Variants in SLC1A6 observed in about 807,000 individuals in gnomAD.
SLC1A6 encodes the protein solute carrier family 1 member 6.
A neutral mutation model predicts 42.1 loss-of-function variants in SLC1A6; 15 were observed. That is an observed-to-expected ratio of 0.36 (90% CI 0.24 to 0.55). The LOEUF is 0.55. SLC1A6 is among the 20% of genes least tolerant of loss of function. The probability of loss-of-function intolerance (pLI) is 0.88; values close to 1 mark genes in which losing one functional copy is unlikely to be tolerated. For synonymous variants in SLC1A6, 317 were observed against 319.7 expected, an observed-to-expected ratio of 0.99 and a Z score of 0.09; for missense variants, 542 against 772.5, an observed-to-expected ratio of 0.70 and a Z score of 3.54.
intron 1 of SLC1A6, among the ~76,000 whole-genome samples, chr19:14,988,738 G>A (rs9789315): frequency 0.53 from 81,090 of 151,968 alleles, 21,790 homozygotes; most frequent in South Asian, 0.68. Flanking sequence ...AATACTAGCT[G>A]GTGTGGTGGC....
upstream of SLC1A6, among the ~76,000 whole-genome samples, chr19:14,983,370 T>G (rs1291199270): frequency 6.6e-6 from 1 of 152,078 alleles, no homozygotes; most frequent in Non-Finnish European, 1.5e-5. Flanking sequence ...AAGTGCTCAG[T>G]GTGTTTCTAA....
chr19:14,984,259 A>C, upstream of SLC1A6, among the ~76,000 whole-genome samples: 1 of 152,146 alleles, frequency 6.6e-6, no homozygotes, highest in Non-Finnish European at 1.5e-5. Flanking sequence ...CAGTGAGCTG[A>C]CATCGCACCA....
At chr19:14,972,519 T>A (rs1265029634) in intron 2 of SLC1A6, among the ~76,000 whole-genome samples, 187 bp downstream of exon 2, 2 of 152,216 alleles carry the variant, frequency 1.3e-5, no homozygotes, top group Non-Finnish European at 2.9e-5. Flanking sequence ...CACAGTTGTG[T>A]TTGCACACAT....
intron 1 of SLC1A6, among the ~76,000 whole-genome samples, chr19:14,992,458 C>T (rs907366715): frequency 4.6e-5 from 7 of 151,836 alleles, no homozygotes; most frequent in African/African-American, 1.7e-4. Context: ...AGCAGGGTCA[C>T]GGCCGGGTGT....
chr19:14,984,176 G>T (rs1254912284), upstream of SLC1A6, among the ~76,000 whole-genome samples: 1 of 152,138 alleles, frequency 6.6e-6, no homozygotes, highest in Admixed American at 6.5e-5. Context: ...AGGTATGGTG[G>T]CGCTTGCCTG....
At chr19:14,953,268 T>TCCTCGCCTCACCTTGCCCCTG (rs1193228155) in intron 8 of SLC1A6, among the ~76,000 whole-genome samples, 1 of 49,692 alleles carries the variant, frequency 2.0e-5, no homozygotes, top group Non-Finnish European at 4.1e-5. Context: ...GCCCCTCCCC[T>TCCTCGCCTCACCTTGCCCCTG]CCTCGCCTCA....
chr19:14,996,401 G>A (rs1188869934), intron 1 of SLC1A6, among the ~76,000 whole-genome samples: 1 of 152,132 alleles, frequency 6.6e-6, no homozygotes, highest in Non-Finnish European at 1.5e-5. Flanking sequence ...TGTACTTAAT[G>A]CCACTGAACT....
At chr19:14,984,913 G>A (rs1196774450) in intron 1 of SLC1A6, among the ~76,000 whole-genome samples, 4 of 152,032 alleles carry the variant, frequency 2.6e-5, no homozygotes, top group Non-Finnish European at 5.9e-5. Flanking sequence ...ATAGAGTCTC[G>A]CTCTGCTGCC....
intron 3 of SLC1A6, 110 bp from the exon 4 acceptor site, chr19:14,968,617 G>A: frequency 5.3e-6 from 5 of 938,644 alleles, no homozygotes; most frequent in Non-Finnish European, 7.9e-6. Flanking sequence ...GACCCACCAA[G>A]CATCCCTTTT....
chr19:15,007,343 A>G (rs763063432), intron 1 of SLC1A6, among the ~76,000 whole-genome samples: 3 of 152,192 alleles, frequency 2.0e-5, no homozygotes, highest in Non-Finnish European at 2.9e-5. Flanking sequence ...AGGCAAATCT[A>G]CAGAGACAGG....
intron 6 of SLC1A6, among the ~76,000 whole-genome samples, chr19:14,957,001 A>G (rs1048662929): frequency 1.3e-5 from 2 of 152,050 alleles, no homozygotes. Context: ...CCTACTCCCC[A>G]TTCAAGCTCT....
intron 7 of SLC1A6, 25 bp from the exon 8 acceptor site, chr19:14,954,354 G>A: frequency 1.3e-6 from 2 of 1,599,820 alleles, no homozygotes; most frequent in Non-Finnish European, 1.7e-6. Flanking sequence ...CCAGGACTGA[G>A]GATGGGGCGT....
chr19:14,968,967 G>A (rs2045606547), intron 3 of SLC1A6, among the ~76,000 whole-genome samples: 1 of 151,968 alleles, frequency 6.6e-6, no homozygotes, highest in Non-Finnish European at 1.5e-5. Context: ...AGCCTTCCGA[G>A]TGGCTGGGAT....
chr19:15,008,027 C>CT (rs1329652321), intron 1 of SLC1A6, among the ~76,000 whole-genome samples: 4 of 127,796 alleles, frequency 3.1e-5, no homozygotes, highest in South Asian at 5.9e-4. Context: ...GTCTGCCCCC[C>CT]CCCCAAAAAA....
chr19:14,993,863 TGTGCA>T (rs2045832555), intron 1 of SLC1A6, among the ~76,000 whole-genome samples: 1 of 151,940 alleles, frequency 6.6e-6, no homozygotes, highest in Admixed American at 6.6e-5. Context: ...AAGATGCTTG[TGTGCA>T]GATGGGCTGT....
At chr19:14,955,993 T>G (rs1312809269) in intron 7 of SLC1A6, among the ~76,000 whole-genome samples, 3 of 152,216 alleles carry the variant, frequency 2.0e-5, no homozygotes, top group African/African-American at 7.2e-5. Context: ...TTTTCAAATT[T>G]GTTTTTGAAT....
At chr19:15,007,937 A>T (rs2045903568) in intron 1 of SLC1A6, among the ~76,000 whole-genome samples, 1 of 152,014 alleles carries the variant, frequency 6.6e-6, no homozygotes, top group South Asian at 2.1e-4. Flanking sequence ...AGGCAGAAGA[A>T]TCGCTTGAAC....
At chr19:14,953,132 A>G (rs1599978047) in intron 8 of SLC1A6, 70 bp from the exon 9 acceptor site, 1 of 1,249,514 alleles carries the variant, frequency 8.0e-7, no homozygotes, top group South Asian at 1.3e-5. Flanking sequence ...GAGGAAAAGG[A>G]CAGAGAGAAG....
intron 1 of SLC1A6, among the ~76,000 whole-genome samples, chr19:15,002,435 T>C (rs1248920668): frequency 6.6e-6 from 1 of 152,176 alleles, no homozygotes; most frequent in East Asian, 1.9e-4. Context: ...CATGCCTGGC[T>C]TGGATTTCTT....
Sources: gnomAD v4.1 joint callset for allele counts (sites outside exome capture counted in the v4.1 genomes callset) on GRCh38, gnomAD v4.1.1 for gene constraint, MANE v1.5 for transcripts, NCBI Gene and HGNC (gene_info 2026-07-23, HGNC 2026-07-21) for gene names.